Variants in DOK5 observed in about 807,000 individuals in gnomAD.
DOK5 encodes the protein docking protein 5.
In DOK5, 27 loss-of-function variants were observed where a neutral mutation model predicts 43.3. The ratio of observed to expected loss-of-function variants is 0.62; its 90% CI spans 0.46 to 0.86. DOK5 has a LOEUF of 0.86. DOK5 is among the 40% of genes least tolerant of loss of function. The pLI is 0.00. For missense variants in DOK5, 373 were observed against 392.9 expected (o/e 0.95, Z 0.43); for synonymous variants, 146 against 140.1 (o/e 1.04, Z -0.30).
intron 1 of DOK5, among the ~76,000 whole-genome samples, chr20:54,533,843 A>G (rs1038179673): frequency 1.3e-5 from 2 of 152,172 alleles, no homozygotes; most frequent in African/African-American, 4.8e-5. Context: ...TTTTTCTAGG[A>G]GGACAATTAT....
chr20:54,504,603 A>G, intron 1 of DOK5, among the ~76,000 whole-genome samples: 1 of 152,180 alleles, frequency 6.6e-6, no homozygotes, highest in East Asian at 1.9e-4. Flanking sequence ...TCTCAGTTGA[A>G]GGAGGATACA....
At chr20:54,567,107 A>G (rs565040531) in intron 2 of DOK5, among the ~76,000 whole-genome samples, 1 of 152,116 alleles carries the variant, frequency 6.6e-6, no homozygotes, top group East Asian at 1.9e-4. Context: ...TTGTGCTGGA[A>G]AATATGTTCT....
chr20:54,588,465 C>A lies in DOK5; in HGVS notation c.175-18C>A, dbSNP rs1568797902. 4 of 1,608,556 alleles carry A rather than the reference C, an allele frequency of 2.5e-6. No homozygotes were observed. Among genetic ancestry groups the A allele is most frequent in the Non-Finnish European group, 3.4e-6 (4 of 1,175,062 alleles). ...TTCATTCAGGGAGTGTGTCAAACTT[C>A]TAATTGTTCATTTTCAGGTTACAGA... On this transcript the variant is annotated intron_variant, in intron 2 of 7. Coordinates refer to ENST00000262593, the MANE Select transcript of DOK5 (RefSeq NM_018431.5).
chr20:54,608,747 T>C (rs1372252733), intron 5 of DOK5, among the ~76,000 whole-genome samples: 1 of 151,472 alleles, frequency 6.6e-6, no homozygotes, highest in African/African-American at 2.4e-5. Context: ...CTCAGCTCAC[T>C]GCAACCTCCA....
At chr20:54,602,535 T>A (rs900074950) in intron 5 of DOK5, among the ~76,000 whole-genome samples, 1 of 152,166 alleles carries the variant, frequency 6.6e-6, no homozygotes, top group Non-Finnish European at 1.5e-5. Flanking sequence ...GGTTGAATAA[T>A]GGAGAAACAT....
At chr20:54,550,308 A>G (rs1007591997) in intron 1 of DOK5, among the ~76,000 whole-genome samples, 3 of 152,190 alleles carry the variant, frequency 2.0e-5, no homozygotes, top group Non-Finnish European at 4.4e-5. Flanking sequence ...TAAACATTCT[A>G]TTTCAAGATA....
rs1318723957 is a variant in DOK5, at chr20:54,558,102, AATCTGTACTTGAGGC to A, written c.174+3068_174+3082del. 2.0e-5 allele frequency among the ~76,000 whole-genome samples: 3 copies of A among 152,216 alleles called. No homozygotes were observed. In the South Asian group the frequency reaches 6.2e-4, roughly 31 times the overall value. The stretch of plus-strand genomic sequence containing the variant: ...TACTTTTATTTAGTTTACCAGAAGA[AATCTGTACTTGAGGC>A]ATCTGAAACCAGAAAAAGAAACTTT... On this transcript the variant is annotated intron_variant, in intron 2 of 7. Coordinates refer to ENST00000262593, the MANE Select transcript of DOK5 (RefSeq NM_018431.5).
intron 5 of DOK5, among the ~76,000 whole-genome samples, chr20:54,606,565 T>G (rs1181889117): frequency 6.6e-6 from 1 of 152,260 alleles, no homozygotes; most frequent in Non-Finnish European, 1.5e-5. Flanking sequence ...TTGATGTGCC[T>G]TTCTTTTCAC....
chr20:54,548,623 T>C (rs1417857817), intron 1 of DOK5, among the ~76,000 whole-genome samples: 1 of 152,210 alleles, frequency 6.6e-6, no homozygotes, highest in Non-Finnish European at 1.5e-5. Context: ...GTTTAAAAAG[T>C]CAATTTAAAG....
intron 1 of DOK5, among the ~76,000 whole-genome samples, chr20:54,509,166 G>A (rs750926236): frequency 3.9e-5 from 6 of 152,042 alleles, no homozygotes; most frequent in Admixed American, 1.3e-4. Flanking sequence ...GTGAGCCACC[G>A]CACCCGGCCT....
chr20:54,638,472 C>G (rs897197411), intron 6 of DOK5, among the ~76,000 whole-genome samples: 2 of 152,106 alleles, frequency 1.3e-5, no homozygotes, highest in African/African-American at 4.8e-5. Context: ...ATCAGAGCCC[C>G]CCAATCTAAG....
At chr20:54,479,201 A>G (rs948837873) in intron 1 of DOK5, among the ~76,000 whole-genome samples, 6 of 152,224 alleles carry the variant, frequency 3.9e-5, no homozygotes, top group Non-Finnish European at 1.5e-5. Context: ...TCAAATATGT[A>G]TAGATTTATT....
intron 1 of DOK5, among the ~76,000 whole-genome samples, chr20:54,497,814 T>G (rs1199165203): frequency 6.6e-6 from 1 of 152,202 alleles, no homozygotes; most frequent in African/African-American, 2.4e-5. Flanking sequence ...GCTTTTGTAT[T>G]TATTTATCTG....
intron 5 of DOK5, among the ~76,000 whole-genome samples, chr20:54,610,145 GT>G (rs1312577609): frequency 2.0e-5 from 3 of 152,158 alleles, no homozygotes; most frequent in Non-Finnish European, 4.4e-5. Flanking sequence ...AAAAATTTCT[GT>G]TTTACTTTGT....
intron 6 of DOK5, among the ~76,000 whole-genome samples, chr20:54,626,918 T>C (rs1197679863): frequency 6.6e-6 from 1 of 152,244 alleles, no homozygotes; most frequent in Non-Finnish European, 1.5e-5. Flanking sequence ...GGAACACAGC[T>C]ACATCCTCCC....
intron 1 of DOK5, among the ~76,000 whole-genome samples, chr20:54,497,629 G>C (rs1982450654): frequency 6.6e-6 from 1 of 152,110 alleles, no homozygotes; most frequent in Admixed American, 6.5e-5. Context: ...GAGGAAAAAA[G>C]TGAGTGTCAG....
rs1348703371 is a variant in DOK5, at chr20:54,633,144, T to C, written c.736-10314T>C. On this transcript the variant is annotated intron_variant, in intron 6 of 7. Coordinates refer to ENST00000262593, the MANE Select transcript of DOK5 (RefSeq NM_018431.5). ...GCTCCACCCTTGGAAATTCTAGGAG[T>C]GGGGCCAGGAATCTGCATTTGAACA... Among the ~76,000 whole-genome samples, 14 of 151,636 alleles carry C rather than the reference T, an allele frequency of 9.2e-5. No individual in the cohort carries two copies. In the East Asian group the frequency reaches 2.5e-3, roughly 27 times the overall value.
At chr20:54,561,091 T>G (rs1310930702) in intron 2 of DOK5, among the ~76,000 whole-genome samples, 1 of 152,198 alleles carries the variant, frequency 6.6e-6, no homozygotes, top group East Asian at 1.9e-4. Flanking sequence ...TATAGACCCC[T>G]TTTCTTTCGT....
intron 1 of DOK5, among the ~76,000 whole-genome samples, chr20:54,499,875 T>C (rs891652255): frequency 1.3e-5 from 2 of 152,198 alleles, no homozygotes; most frequent in African/African-American, 4.8e-5. Context: ...TCACTGAAGA[T>C]TGCTCACCTC....
Sources: gnomAD v4.1 joint callset for allele counts (sites outside exome capture counted in the v4.1 genomes callset) on GRCh38, gnomAD v4.1.1 for gene constraint, MANE v1.5 for transcripts, NCBI Gene and HGNC (gene_info 2026-07-23, HGNC 2026-07-21) for gene names.